Variants in RNF130 observed in about 807,000 individuals in gnomAD.
RNF130 encodes E3 ubiquitin-protein ligase RNF130.
RNF130 carries 21 observed loss-of-function variants against 44.6 expected under a neutral mutation model. That is an observed-to-expected ratio of 0.47 (90% CI 0.33 to 0.68). RNF130 has a LOEUF of 0.68. RNF130 is among the 30% of genes least tolerant of loss of function. RNF130 has a pLI of 0.02. For missense variants in RNF130, 479 were observed against 560.6 expected (o/e 0.85, Z 1.47); for synonymous variants, 214 against 210.4 (o/e 1.02, Z -0.15).
At chr5:179,986,544 G>A (rs752643411) in intron 3 of RNF130, among the ~76,000 whole-genome samples, 24 of 152,292 alleles carry the variant, frequency 1.6e-4, no homozygotes, top group African/African-American at 3.6e-4. Flanking sequence ...ACTCATAAGC[G>A]TATGTCACAT....
chr5:179,946,847 C>T (rs115502059), intron 7 of RNF130, among the ~76,000 whole-genome samples: 278 of 152,320 alleles, frequency 1.8e-3, no homozygotes, highest in South Asian at 4.4e-3. Flanking sequence ...AGCCACCGCG[C>T]CCAGCACCAT....
intron 1 of RNF130, among the ~76,000 whole-genome samples, chr5:180,054,711 C>T (rs550038205): frequency 2.0e-5 from 3 of 152,236 alleles, no homozygotes; most frequent in Admixed American, 2.0e-4. Context: ...TACTGTGAGT[C>T]CCTTTTACTT....
At chr5:179,997,068 C>G (rs954900741) in intron 3 of RNF130, among the ~76,000 whole-genome samples, 1 of 152,122 alleles carries the variant, frequency 6.6e-6, no homozygotes, top group Non-Finnish European at 1.5e-5. Context: ...GGAAAATTTA[C>G]TAGTGGTTGT....
chr5:180,005,658 T>A (rs980664621), intron 3 of RNF130, among the ~76,000 whole-genome samples: 1 of 152,212 alleles, frequency 6.6e-6, no homozygotes, highest in African/African-American at 2.4e-5. Flanking sequence ...CTCCATCTGA[T>A]GAAGTCTTAA....
At chr5:179,940,225 CT>C (rs899496168) in intron 7 of RNF130, 46 of 151,502 alleles carry the variant, frequency 3.0e-4, no homozygotes, top group African/African-American at 9.9e-4. Flanking sequence ...TGTTCACTTT[CT>C]TTTTTTTCTT....
intron 2 of RNF130, among the ~76,000 whole-genome samples, chr5:180,039,417 AG>A (rs1764353642): frequency 2.0e-5 from 3 of 151,948 alleles, no homozygotes; most frequent in African/African-American, 7.3e-5. Context: ...TTTTATTTTT[AG>A]TAGAGACAGG....
At chr5:179,956,038 C>A (rs765470488) in intron 8 of RNF130, 5 of 184,904 alleles carry the variant, frequency 2.7e-5, no homozygotes, top group Non-Finnish European at 5.5e-5. Context: ...AAAAATGCTC[C>A]TCTTACCTCT....
chr5:179,993,288 G>A (rs1248825341), intron 3 of RNF130, among the ~76,000 whole-genome samples: 5 of 152,196 alleles, frequency 3.3e-5, no homozygotes, highest in Non-Finnish European at 5.9e-5. Flanking sequence ...AGATCCTTGA[G>A]GAATCACCAC....
intron 2 of RNF130, among the ~76,000 whole-genome samples, chr5:180,021,209 T>C (rs2113104367): frequency 6.6e-6 from 1 of 152,208 alleles, no homozygotes; most frequent in Admixed American, 6.5e-5. Context: ...AGGATGGTCT[T>C]GATCACCTGA....
At chr5:180,068,660 C>T (rs1200769924) in intron 1 of RNF130, among the ~76,000 whole-genome samples, 1 of 152,242 alleles carries the variant, frequency 6.6e-6, no homozygotes, top group African/African-American at 2.4e-5. Context: ...GATAGTAGCA[C>T]TGCAAAGCGA....
intron 7 of RNF130, among the ~76,000 whole-genome samples, chr5:179,943,024 G>A (rs1178930014): frequency 2.6e-5 from 4 of 152,126 alleles, no homozygotes; most frequent in South Asian, 2.1e-4. Flanking sequence ...GTGAAACACC[G>A]TCTCTACTAA....
intron 3 of RNF130, among the ~76,000 whole-genome samples, chr5:179,983,481 T>C (rs546662260): frequency 3.2e-4 from 48 of 152,332 alleles, no homozygotes; most frequent in African/African-American, 1.1e-3. Flanking sequence ...CGGACACTAT[T>C]GTACCATGCA....
chr5:180,048,110 G>A lies in RNF130; in HGVS notation c.248-7463C>T, dbSNP rs553808722. On this transcript the variant is annotated intron_variant, in intron 1 of 8. Coordinates refer to ENST00000521389, the MANE Select transcript of RNF130 (RefSeq NM_018434.6). ...ACTTCTATGAACCCAGTTTCTAATA[G>A]ACACAGCTAAATCAGGTCAACAGCA... Among the ~76,000 whole-genome samples the A allele has an allele frequency of 1.2e-3, 186 of 151,872 alleles. 1 individual carries two copies. Among genetic ancestry groups the A allele is most frequent in the Admixed American group, 1.8e-3 (28 of 15,244 alleles).
intron 3 of RNF130, among the ~76,000 whole-genome samples, chr5:179,981,518 C>T (rs1204849661): frequency 6.6e-6 from 1 of 152,222 alleles, no homozygotes; most frequent in African/African-American, 2.4e-5. Flanking sequence ...CATCCGGCTT[C>T]CATTACCAGT....
At chr5:179,948,262 A>G (rs1028411299) in intron 7 of RNF130, among the ~76,000 whole-genome samples, 5 of 152,226 alleles carry the variant, frequency 3.3e-5, no homozygotes, top group Non-Finnish European at 2.9e-5. Flanking sequence ...GCTACCTGGT[A>G]CACCCTAAGT....
intron 1 of RNF130, among the ~76,000 whole-genome samples, chr5:180,066,144 A>G (rs1443632113): frequency 2.6e-5 from 4 of 152,194 alleles, no homozygotes; most frequent in South Asian, 2.1e-4. Flanking sequence ...TTGTACTCCC[A>G]TAATTTCCAC....
At chr5:180,061,990 A>G (rs971183671) in intron 1 of RNF130, among the ~76,000 whole-genome samples, 3 of 151,838 alleles carry the variant, frequency 2.0e-5, no homozygotes, top group East Asian at 1.9e-4. Context: ...TGCTTCATCA[A>G]TGGAGACTTC....
intron 1 of RNF130, among the ~76,000 whole-genome samples, chr5:180,065,957 T>C (rs1175639954): frequency 1.3e-5 from 2 of 152,240 alleles, no homozygotes; most frequent in African/African-American, 4.8e-5. Flanking sequence ...AAATTTTACA[T>C]ATTGCAGACT....
chr5:179,941,928 G>T (rs1333080568), intron 7 of RNF130, among the ~76,000 whole-genome samples: 1 of 151,962 alleles, frequency 6.6e-6, no homozygotes, highest in African/African-American at 2.4e-5. Context: ...AGTACATTCT[G>T]CAAGTCTCTG....
Sources: allele counts gnomAD v4.1 joint callset (sites outside exome capture counted in the v4.1 genomes callset), GRCh38; gene constraint gnomAD v4.1.1; transcripts MANE v1.5; gene names NCBI Gene and HGNC (gene_info 2026-07-23, HGNC 2026-07-21).